TMTC1: variants seen among roughly 807,000 people sequenced by gnomAD.
TMTC1 encodes transmembrane O-mannosyltransferase targeting cadherins 1.
In TMTC1, 73 loss-of-function variants were observed where a neutral mutation model predicts 104.8. The observed-to-expected ratio is 0.70, with a 90% CI of 0.58 to 0.85. The LOEUF is 0.85. Among genes scored for constraint, TMTC1 ranks in the 40% least tolerant of loss-of-function variants. The pLI, the probability that TMTC1 is intolerant of heterozygous loss-of-function variation, is 0.00. For missense variants in TMTC1, 1,035 were observed against 1,096.1 expected, an observed-to-expected ratio of 0.94 and a Z score of 0.79; for synonymous variants, 434 against 428.7, an observed-to-expected ratio of 1.01 and a Z score of -0.15.
intron 7 of TMTC1, among the ~76,000 whole-genome samples, chr12:29,589,609 G>C (rs185747905): frequency 1.3e-5 from 2 of 152,288 alleles, no homozygotes; most frequent in Admixed American, 1.3e-4. Flanking sequence ...TAGGAACAGA[G>C]CTGCCATCTG....
chr12:29,659,046 G>A (rs1363595005), intron 5 of TMTC1, among the ~76,000 whole-genome samples: 2 of 152,112 alleles, frequency 1.3e-5, no homozygotes, highest in Non-Finnish European at 2.9e-5. Context: ...AGGACAAATG[G>A]CATAATTAAC....
chr12:29,661,044 C>G (rs895095413), intron 5 of TMTC1, among the ~76,000 whole-genome samples: 11 of 152,190 alleles, frequency 7.2e-5, no homozygotes, highest in African/African-American at 2.6e-4. Flanking sequence ...GTTCCCAGTT[C>G]TGCTGCTGCT....
At chr12:29,617,569 A>AGAGAGAGAGAGAGAGAGAGAGAGAGAGAG (rs1947020574) in intron 6 of TMTC1, among the ~76,000 whole-genome samples, 1 of 147,810 alleles carries the variant, frequency 6.8e-6, no homozygotes, top group Non-Finnish European at 1.5e-5. Flanking sequence ...AGAGAGAGAG[A>AGAGAGAGAGAGAGAGAGAGAGAGAGAGAG]TAAAAACCCT....
At chr12:29,725,707 T>C (rs887983767) in intron 5 of TMTC1, among the ~76,000 whole-genome samples, 2 of 152,208 alleles carry the variant, frequency 1.3e-5, no homozygotes, top group Non-Finnish European at 2.9e-5. Flanking sequence ...GTAATGAAGT[T>C]TTTGACATTT....
chr12:29,778,721 CAAAG>C (rs997095797), intron 1 of TMTC1, among the ~76,000 whole-genome samples: 2 of 152,172 alleles, frequency 1.3e-5, no homozygotes, highest in African/African-American at 4.8e-5. Flanking sequence ...TCAAGGAACA[CAAAG>C]AGATGGTCAT....
At chr12:29,756,081 G>C (rs1037312974) in intron 3 of TMTC1, among the ~76,000 whole-genome samples, 196 bp from the exon 4 acceptor site, 1 of 152,074 alleles carries the variant, frequency 6.6e-6, no homozygotes, top group Non-Finnish European at 1.5e-5. Context: ...CACAGACTAC[G>C]GTATGTAACA....
intron 1 of TMTC1, among the ~76,000 whole-genome samples, chr12:29,768,832 A>G (rs1592034012): frequency 1.3e-5 from 2 of 152,370 alleles, no homozygotes; most frequent in East Asian, 1.9e-4. Context: ...TCTTAAAAAA[A>G]TACTTTCATG....
chr12:29,557,044 T>C (rs1945264781), intron 9 of TMTC1, 44 bp from the exon 10 acceptor site: 2 of 1,604,264 alleles, frequency 1.2e-6, no homozygotes, highest in Non-Finnish European at 8.5e-7. Flanking sequence ...CAAAAACTTC[T>C]AAGTTGGGCA....
At chr12:29,575,761 C>G (rs968735173) in intron 8 of TMTC1, among the ~76,000 whole-genome samples, 1 of 152,132 alleles carries the variant, frequency 6.6e-6, no homozygotes. Context: ...GGTAAATACC[C>G]GAGGACGGAT....
At chr12:29,686,188 T>A (rs1359079304) in intron 5 of TMTC1, among the ~76,000 whole-genome samples, 1 of 152,196 alleles carries the variant, frequency 6.6e-6, no homozygotes, top group Non-Finnish European at 1.5e-5. Context: ...TCTTTGAACA[T>A]CTTCACCTCT....
rs1942751340 is a variant in TMTC1 at position 29,738,841 on chromosome 12, G to A, written c.938+12825C>T. Among the ~76,000 whole-genome samples the A allele has an allele frequency of 2.0e-5, 3 of 152,178 alleles. No individual in the cohort carries two copies. In the South Asian group the frequency reaches 6.2e-4, roughly 32 times the overall value. ...ATGACACAGTTTCCCTCTATCATGG[G>A]CTAAGAAAACAAATGCACTCAAGGC... On this transcript the variant is annotated intron_variant, in intron 5 of 17. Coordinates refer to ENST00000539277, the MANE Select transcript of TMTC1 (RefSeq NM_001193451.2).
intron 7 of TMTC1, among the ~76,000 whole-genome samples, chr12:29,593,081 G>A (rs1425241695): frequency 6.6e-6 from 1 of 152,164 alleles, no homozygotes; most frequent in Non-Finnish European, 1.5e-5. Flanking sequence ...CTGGAAATGG[G>A]TCAAGAGAGC....
intron 5 of TMTC1, among the ~76,000 whole-genome samples, chr12:29,656,319 G>GATATATATATATATAT (rs71045824): frequency 1.4e-5 from 2 of 139,354 alleles, no homozygotes; most frequent in African/African-American, 5.4e-5. Context: ...AATTTCCCTG[G>GATATATATATATATAT]ATATATATAT....
At chr12:29,630,948 T>C (rs938412058) in intron 6 of TMTC1, among the ~76,000 whole-genome samples, 2 of 152,238 alleles carry the variant, frequency 1.3e-5, no homozygotes, top group Non-Finnish European at 2.9e-5. Flanking sequence ...ATGATAGTCA[T>C]TATAGTGAGA....
intron 9 of TMTC1, among the ~76,000 whole-genome samples, chr12:29,560,649 T>G (rs1367387877): frequency 1.3e-5 from 2 of 152,110 alleles, no homozygotes; most frequent in Non-Finnish European, 2.9e-5. Context: ...TATAGAGATG[T>G]GGTTCTATGA....
At chr12:29,680,167 A>G (rs1788282964) in intron 5 of TMTC1, among the ~76,000 whole-genome samples, 1 of 152,168 alleles carries the variant, frequency 6.6e-6, no homozygotes, top group South Asian at 2.1e-4. Context: ...AATGAGATTA[A>G]GCAAAATCCC....
At chr12:29,642,416 G>C (rs1021053265) in intron 5 of TMTC1, among the ~76,000 whole-genome samples, 3 of 152,162 alleles carry the variant, frequency 2.0e-5, no homozygotes, top group African/African-American at 7.2e-5. Flanking sequence ...CTACAAGCTA[G>C]AAGGGATTGG....
chr12:29,709,871 G>A (rs569455581), intron 5 of TMTC1, among the ~76,000 whole-genome samples: 1 of 152,284 alleles, frequency 6.6e-6, no homozygotes, highest in Admixed American at 6.5e-5. Context: ...GGTTGCTATA[G>A]GAGTTTAACT....
At chr12:29,551,167 T>A (rs747554592) in intron 10 of TMTC1, among the ~76,000 whole-genome samples, 3 of 152,128 alleles carry the variant, frequency 2.0e-5, no homozygotes, top group Non-Finnish European at 4.4e-5. Flanking sequence ...GGTATACTAA[T>A]GTGGTAGTAA....
Sources: allele counts gnomAD v4.1 joint callset (sites outside exome capture counted in the v4.1 genomes callset), GRCh38; gene constraint gnomAD v4.1.1; transcripts MANE v1.5; gene names NCBI Gene and HGNC (gene_info 2026-07-23, HGNC 2026-07-21).